Variants in KLK8 observed in about 807,000 individuals in gnomAD.
KLK8 encodes kallikrein-8.
A neutral mutation model predicts 26.7 loss-of-function variants in KLK8; 18 were observed. The ratio of observed to expected loss-of-function variants is 0.67; its 90% confidence interval spans 0.47 to 1.00. KLK8 has a LOEUF of 1.00. Ranked by LOEUF, KLK8 falls within the 50% of genes least tolerant of loss-of-function variation. The probability of loss-of-function intolerance (pLI) is 0.00; values close to 1 mark genes in which losing one functional copy is unlikely to be tolerated. For missense variants in KLK8, 301 were observed against 331.7 expected (o/e 0.91, Z 0.72); for synonymous variants, 137 against 127.1 (o/e 1.08, Z -0.52).
intron 6 of KLK8, 76 bp downstream of exon 5, chr19:50,997,675 C>A: frequency 6.4e-7 from 1 of 1,558,132 alleles, no homozygotes; most frequent in South Asian, 1.2e-5. Flanking sequence ...CTTACCACCC[C>A]CACCCCCATC....
Position 50,998,111 on chromosome 19 carries a change from C to T in KLK8, c.494-227G>A, listed in dbSNP as rs566856074. ...TCTAGAGAGGGGCCCTTGGATCTCA[C>T]GTGTTTTTTCTTACCCTGAGCCATT... On this transcript the variant is annotated intron_variant, in intron 5 of 6. Transcript: ENST00000600767. The T allele has an allele frequency of 6.7e-5, 36 of 534,730 alleles. No homozygotes were observed. The East Asian group carries it at 1.2e-3, about 18-fold the overall frequency. The allele number at this position is 534,730 out of a possible 1,614,324, so 33.1% of individuals were successfully genotyped here.
At chr19:50,999,929 A>G in intron 5 of KLK8, 67 bp downstream of exon 4, 1 of 1,491,424 alleles carries the variant, frequency 6.7e-7, no homozygotes, top group Non-Finnish European at 9.0e-7. Context: ...AAGCTTTGCC[A>G]ATAGCTTGGG....
chr19:51,000,296 T>C (rs747499706), intron 4 of KLK8, 38 bp from the exon 4 acceptor site: 4 of 1,549,358 alleles, frequency 2.6e-6, no homozygotes, highest in Non-Finnish European at 8.7e-7. Flanking sequence ...CAGGCAGGGG[T>C]ATTGCCCCCA....
intron 6 of KLK8, among the ~76,000 whole-genome samples, chr19:50,997,046 C>T (rs1194657618): frequency 6.6e-6 from 1 of 152,002 alleles, no homozygotes; most frequent in East Asian, 1.9e-4. Context: ...GGAAACGACT[C>T]CATTTTTGGC....
intron 5 of KLK8, among the ~76,000 whole-genome samples, chr19:50,998,200 T>C (rs963690107): frequency 6.6e-6 from 1 of 152,162 alleles, no homozygotes; most frequent in Non-Finnish European, 1.5e-5. Flanking sequence ...ACCCTCTCTT[T>C]CCAGTCTTCC....
chr19:51,000,519 AG>A lies in KLK8; in HGVS notation c.134del (p.Pro45LeufsTer19). 1 of 1,614,040 alleles carries A rather than the reference AG, an allele frequency of 6.2e-7. No individual in the cohort carries two copies. Among genetic ancestry groups the A allele is most frequent in the Non-Finnish European group, 8.5e-7 (1 of 1,180,000 alleles). On this transcript the variant is annotated frameshift_variant, in exon 4 of 7. Transcript: ENST00000600767. LOFTEE classifies it high-confidence loss of function. ...GGCCCTGGAACAAGGCCGCCTGCCA[AG>A]GCTGCGAATGGGGTTGGCACTCATG...
At chr19:50,998,195 CTCTT>C (rs1235070956) in intron 5 of KLK8, among the ~76,000 whole-genome samples, 1 of 152,164 alleles carries the variant, frequency 6.6e-6, no homozygotes, top group Non-Finnish European at 1.5e-5. Context: ...CTCTGACCCT[CTCTT>C]TCCAGTCTTC....
chr19:50,997,907 G>C (rs28707546), intron 5 of KLK8, 23 bp from the exon 5 acceptor site: 32,561 of 1,612,988 alleles, frequency 0.02, 682 homozygotes, highest in African/African-American at 0.093. Context: ...AGGTTGTAAG[G>C]TTCCCTGAGA....
chr19:50,999,624 A>AAAAAG, intron 5 of KLK8, among the ~76,000 whole-genome samples: 1 of 143,240 alleles, frequency 7.0e-6, no homozygotes, highest in Non-Finnish European at 1.5e-5. Context: ...AAAAAAAAAA[A>AAAAAG]GGAGGGAGGT....
At chr19:51,000,357 T>C in intron 4 of KLK8, 67 bp downstream of exon 3, 1 of 1,545,432 alleles carries the variant, frequency 6.5e-7, no homozygotes. Context: ...CTCTCCTTCC[T>C]GAGTCGAAAC....
At position 51,000,345 on chromosome 19, in the gene KLK8, C is replaced by T. The variant is rs1446683935; in HGVS notation, c.230+79G>A. ...TCAGACCCAGGAGTCCAGTCCTCAG[C>T]TCTCTCCTTCCTGAGTCGAAACCCC... On this transcript the variant is annotated intron_variant, in intron 4 of 6. Transcript: ENST00000600767. 10 of 1,545,920 alleles carry T rather than the reference C, an allele frequency of 6.5e-6. No individual in the cohort carries two copies. The East Asian group carries it at 2.3e-4, about 35-fold the overall frequency.
At chr19:50,997,855 C>T (rs778256854) in exon 6 of KLK8, 1 of 1,614,168 alleles carries the variant, frequency 6.2e-7, no homozygotes, top group South Asian at 1.1e-5. Context: ...ATTTTTACTT[C>T]TGCACAGTTG....
At chr19:50,997,456 G>C (rs942579370) in intron 6 of KLK8, among the ~76,000 whole-genome samples, 1 of 152,132 alleles carries the variant, frequency 6.6e-6, no homozygotes, top group Admixed American at 6.5e-5. Flanking sequence ...CTCTCTCCTT[G>C]CTGGACATCT....
At chr19:50,998,841 A>G (rs1043106444) in intron 5 of KLK8, 1 of 152,220 alleles carries the variant, frequency 6.6e-6, no homozygotes, top group Non-Finnish European at 1.5e-5. Context: ...CACGTAGCTA[A>G]AAAATCTATT....
intron 6 of KLK8, among the ~76,000 whole-genome samples, chr19:50,996,450 C>T (rs553170515): frequency 6.6e-6 from 1 of 151,630 alleles, no homozygotes; most frequent in Admixed American, 6.6e-5. Context: ...GAATGAAATC[C>T]CAGACAGGCT....
chr19:50,997,846 T>C, exon 6 of KLK8: 1 of 1,614,154 alleles, frequency 6.2e-7, no homozygotes, highest in East Asian at 2.2e-5. Context: ...TGGGGAAAGA[T>C]TTTTACTTCT....
At position 51,001,309 on chromosome 19, in the gene KLK8, G is replaced by T. The variant is rs2091224361; in HGVS notation, c.-8-134C>A. On this transcript the variant is annotated intron_variant, in intron 2 of 6. Coordinates refer to ENST00000600767, the Ensembl canonical transcript of KLK8. ...GCTTCTCTGGAGGAAGGAGGAGGCT[G>T]GGGGACTGGATTCCTACATTCCAAG... The T allele has an allele frequency of 8.5e-6, 6 of 705,942 alleles. No homozygotes were observed. In the South Asian group the frequency reaches 8.8e-5, roughly 10 times the overall value. The allele number at this position is 705,942 out of a possible 1,614,324, so 43.7% of individuals were successfully genotyped here.
intron 3 of KLK8, 129 bp downstream of exon 2, chr19:51,000,969 G>A: frequency 2.2e-6 from 2 of 924,994 alleles, no homozygotes; most frequent in Non-Finnish European, 3.3e-6. Context: ...AGAGGCTCCT[G>A]CACCGTATCG....
In KLK8 at chr19:51,001,154, C is replaced by T; in HGVS notation, c.14G>A (p.Arg5Gln). Reference sequence around the variant, plus strand: ...CATCCACGTCTTGGCCGCACGAGGTCGGGGGCGTCCCATGGTGAGGTCTGG... The same window carrying T: ...CATCCACGTCTTGGCCGCACGAGGTTGGGGGCGTCCCATGGTGAGGTCTGG... Residue 5 changes from arginine (R) to glutamine (Q), a missense_variant, in exon 3 of 7, where the codon CGA (arginine) becomes CAA (glutamine). Physicochemically the swap from Arg to Gln is conservative, Grantham distance 43 (BLOSUM62 1). Coordinates refer to ENST00000600767, the Ensembl canonical transcript of KLK8. 2 of 1,613,246 alleles carry T rather than the reference C, an allele frequency of 1.2e-6. No individual in the cohort carries two copies. The highest frequency in any genetic ancestry group is 1.7e-6 in the Non-Finnish European group (2 of 1,179,832).
Sources: allele counts gnomAD v4.1 joint callset (sites outside exome capture counted in the v4.1 genomes callset), GRCh38; gene constraint gnomAD v4.1.1; transcripts MANE v1.5; gene names NCBI Gene and HGNC (gene_info 2026-07-23, HGNC 2026-07-21).